The following CALN1 variants were observed in gnomAD, a reference collection of about 807,000 sequenced individuals.
The protein encoded by CALN1 is calcium-binding protein 8.
Under a neutral mutation model 30.6 loss-of-function variants are expected in CALN1, and 17 were observed. The ratio of observed to expected loss-of-function variants is 0.56; its 90% confidence interval spans 0.38 to 0.83. The LOEUF is 0.83. Ranked by LOEUF, CALN1 falls within the 40% of genes least tolerant of loss-of-function variation. The pLI is 0.00. For missense variants in CALN1, 291 were observed against 354.9 expected, an observed-to-expected ratio of 0.82 and a Z score of 1.45; for synonymous variants, 156 against 131.4, an observed-to-expected ratio of 1.19 and a Z score of -1.28.
At chr7:72,424,410 A>T (rs1466650968) in intron 1 of CALN1, among the ~76,000 whole-genome samples, 1 of 152,112 alleles carries the variant, frequency 6.6e-6, no homozygotes, top group Non-Finnish European at 1.5e-5. Context: ...AGAACTGGGG[A>T]CTAAAATGTG....
At chr7:71,823,556 A>C (rs953641592) in intron 5 of CALN1, among the ~76,000 whole-genome samples, 9 of 152,022 alleles carry the variant, frequency 5.9e-5, no homozygotes, top group Admixed American at 5.9e-4. Context: ...CGTCTCTACT[A>C]AAAATATAAA....
At chr7:72,178,672 G>C (rs2129545907) in intron 3 of CALN1, among the ~76,000 whole-genome samples, 1 of 149,908 alleles carries the variant, frequency 6.7e-6, no homozygotes, top group Middle Eastern at 3.5e-3. Flanking sequence ...CCAGACGACA[G>C]AGAGAGACTC....
chr7:72,124,743 G>GA (rs200330397), intron 3 of CALN1, among the ~76,000 whole-genome samples: 1,511 of 144,974 alleles, frequency 0.01, 26 homozygotes, highest in African/African-American at 0.035. Flanking sequence ...AAGAAACAAA[G>GA]AAAAAAAAAC....
At chr7:71,906,562 C>T (rs781524548) in intron 5 of CALN1, among the ~76,000 whole-genome samples, 6 of 152,132 alleles carry the variant, frequency 3.9e-5, no homozygotes, top group Non-Finnish European at 7.3e-5. Flanking sequence ...GCAGGCATGA[C>T]AGACCAGGCA....
chr7:72,281,136 A>G (rs978735399), intron 2 of CALN1, among the ~76,000 whole-genome samples: 15 of 129,494 alleles, frequency 1.2e-4, no homozygotes, highest in South Asian at 2.2e-4. Flanking sequence ...AAGAGCGTCT[A>G]AAAAAAAAAA....
At chr7:72,252,285 G>GGTAAGTCACC (rs1795615617) in intron 3 of CALN1, among the ~76,000 whole-genome samples, 1 of 151,946 alleles carries the variant, frequency 6.6e-6, no homozygotes, top group African/African-American at 2.4e-5. Flanking sequence ...AGCAAATCTT[G>GGTAAGTCACC]GTAAGTCCAC....
intron 3 of CALN1, among the ~76,000 whole-genome samples, chr7:72,122,309 T>C (rs948965570): frequency 5.3e-5 from 8 of 152,092 alleles, no homozygotes; most frequent in African/African-American, 1.7e-4. Flanking sequence ...GGATTTAGCA[T>C]AGATATGCAG....
At chr7:71,915,799 A>G (rs1464153728) in intron 5 of CALN1, among the ~76,000 whole-genome samples, 1 of 152,076 alleles carries the variant, frequency 6.6e-6, no homozygotes, top group Non-Finnish European at 1.5e-5. Flanking sequence ...GGCCCTGAGG[A>G]TAAGGAACTA....
chr7:72,397,714 TCACACACA>T lies in CALN1; in HGVS notation c.119+5529_119+5536del, dbSNP rs3138810. ...GATCTTGGAGAGCACCCATTCTCTC[TCACACACA>T]CACACACACACACACACACACACAC... On this transcript the variant is annotated intron_variant, in intron 2 of 6. Coordinates refer to ENST00000395275, the MANE Select transcript of CALN1 (RefSeq NM_031468.4). 8.8e-3 allele frequency among the ~76,000 whole-genome samples: 1,254 copies of T among 142,898 alleles called. 13 individuals are homozygous for T. Among genetic ancestry groups the T allele is most frequent in the African/African-American group, 0.029 (1,109 of 38,218 alleles). 93.7% of individuals were successfully genotyped at this position (142,898 alleles called of 152,430 possible).
chr7:71,966,061 C>T (rs934114339), intron 5 of CALN1, among the ~76,000 whole-genome samples: 5 of 152,140 alleles, frequency 3.3e-5, no homozygotes, highest in Admixed American at 6.5e-5. Context: ...GAGACAATTT[C>T]TATTTTGCAG....
At chr7:71,859,434 T>C (rs1026704907) in intron 5 of CALN1, among the ~76,000 whole-genome samples, 43 of 152,238 alleles carry the variant, frequency 2.8e-4, no homozygotes, top group African/African-American at 9.2e-4. Context: ...TATCACTTTA[T>C]GCTGTCTTTG....
chr7:71,944,661 G>A (rs1042625278), intron 5 of CALN1, among the ~76,000 whole-genome samples: 3 of 149,294 alleles, frequency 2.0e-5, no homozygotes, highest in African/African-American at 7.4e-5. Context: ...TACCTATTGT[G>A]TCTAAGCTGT....
In CALN1 at chr7:72,205,574, A is replaced by ATATATATACATATATATATACG. The variant is rs1562733856; in HGVS notation, c.244+73111_244+73112insCGTATATATATATGTATATATA. Among the ~76,000 whole-genome samples the ATATATATACATATATATATACG allele has an allele frequency of 1.8e-3, 221 of 123,054 alleles. 1 individual carries two copies. The highest frequency in any genetic ancestry group is 7.7e-3 in the African/African-American group (210 of 27,226). The allele number at this position is 123,054 out of a possible 152,430, so 80.7% of individuals were successfully genotyped here. A position where few individuals can be genotyped will look rare whatever the true frequency, so the allele number is the denominator to read the frequency against. On this transcript the variant is annotated intron_variant, in intron 3 of 6. Transcript: ENST00000395275. ...AAAATATATATATATATATGTATAT[A>ATATATATACATATATATATACG]TATATATATATATTCAGGAGAAACA...
chr7:71,983,001 T>A (rs987068576), intron 5 of CALN1, among the ~76,000 whole-genome samples: 2 of 152,094 alleles, frequency 1.3e-5, no homozygotes, highest in African/African-American at 4.8e-5. Context: ...ATTTGCATAA[T>A]AAGATTAGGG....
intron 5 of CALN1, among the ~76,000 whole-genome samples, chr7:71,967,127 T>C (rs972210816): frequency 2.0e-5 from 3 of 152,126 alleles, no homozygotes; most frequent in African/African-American, 7.2e-5. Flanking sequence ...ATATTAAACC[T>C]AAAACTATAA....
chr7:72,429,777 ATACATC>A (rs1807914682), intron 1 of CALN1, among the ~76,000 whole-genome samples: 1 of 149,514 alleles, frequency 6.7e-6, no homozygotes, highest in East Asian at 1.9e-4. Context: ...ATATATGTAT[ATACATC>A]TATATGTATA....
At chr7:71,997,241 A>AG (rs912640602) in intron 5 of CALN1, among the ~76,000 whole-genome samples, 11 of 147,028 alleles carry the variant, frequency 7.5e-5, no homozygotes, top group African/African-American at 2.4e-4. Context: ...TCTAAAAAAA[A>AG]AAAGAAAGAA....
intron 1 of CALN1, among the ~76,000 whole-genome samples, chr7:72,443,208 T>C (rs1808413616): frequency 6.6e-6 from 1 of 152,210 alleles, no homozygotes; most frequent in Non-Finnish European, 1.5e-5. Flanking sequence ...CTTTCGTGAC[T>C]TATTTTTTTG....
chr7:71,948,608 G>A (rs149535307), intron 5 of CALN1, among the ~76,000 whole-genome samples: 1 of 151,566 alleles, frequency 6.6e-6, no homozygotes, highest in African/African-American at 2.4e-5. Flanking sequence ...TGCATTGCCT[G>A]TAATCCTAGC....
Sources: gnomAD v4.1 joint callset for allele counts (sites outside exome capture counted in the v4.1 genomes callset) on GRCh38, gnomAD v4.1.1 for gene constraint, MANE v1.5 for transcripts, NCBI Gene and HGNC (gene_info 2026-07-23, HGNC 2026-07-21) for gene names.